ZNF226: variants seen among roughly 807,000 people sequenced by gnomAD.
The protein encoded by ZNF226 is zinc finger protein 226, also known as Kruppel-associated box protein.
In ZNF226, 6 loss-of-function variants were observed where a neutral mutation model predicts 11.4. That is an observed-to-expected ratio of 0.53 (90% CI 0.29 to 1.04). The LOEUF (loss-of-function observed/expected upper bound fraction) is 1.04, where lower values mean the gene tolerates loss of function less well. Ranked by LOEUF, ZNF226 falls within the 50% of genes least tolerant of loss-of-function variation. The pLI, the probability that ZNF226 is intolerant of heterozygous loss-of-function variation, is 0.08. For synonymous variants in ZNF226, 350 were observed against 322.8 expected (o/e 1.08, Z -0.90); for missense variants, 1,058 against 956.5 (o/e 1.11, Z -1.40).
At chr19:44,177,772 CAACAA>C (rs1970836360), downstream of ZNF226, 1 of 1,305,346 alleles carries the variant, frequency 7.7e-7, no homozygotes, top group South Asian at 1.6e-5. Context: ...GGTCCAAAGA[CAACAA>C]AACAATCTTT....
At chr19:44,171,423 A>G (rs555827554) in intron 3 of ZNF226, among the ~76,000 whole-genome samples, 20 of 151,810 alleles carry the variant, frequency 1.3e-4, no homozygotes, top group African/African-American at 3.6e-4. Flanking sequence ...CCCTTTTAAT[A>G]TTTTTTTTAG....
chr19:44,177,807 C>A, downstream of ZNF226: 1 of 1,039,564 alleles, frequency 9.6e-7, no homozygotes, highest in Non-Finnish European at 1.3e-6. Flanking sequence ...ATAGCAAGGG[C>A]TTCTTTAGTC....
Position 44,172,671 on chromosome 19 carries a change from A to G in ZNF226, c.143-189A>G. 5.3e-6 allele frequency: 3 copies of G among 562,968 alleles called. No individual in the cohort carries two copies. In the South Asian group the frequency reaches 8.3e-5, roughly 16 times the overall value. The allele number at this position is 562,968 out of a possible 1,614,324, so 34.9% of individuals were successfully genotyped here. ...AATAGGTTATTCAAACTTGGTTTTC[A>G]TAATATGTATTTACGCATGTGTGTC... On this transcript the variant is annotated intron_variant, in intron 4 of 5. Coordinates refer to ENST00000337433, the MANE Select transcript of ZNF226 (RefSeq NM_001032373.2).
Position 44,171,999 on chromosome 19 carries a change from A to G in ZNF226, c.16-89A>G, listed in dbSNP as rs1970150651. 3 of 1,548,326 alleles carry G rather than the reference A, an allele frequency of 1.9e-6. No homozygotes were observed. In the Admixed American group the frequency reaches 5.2e-5, roughly 27 times the overall value. ...CTGGGAAATCTACAAACGGCTGGGC[A>G]TCCAGAACAACTTTCCACCTGTTCT... is the stretch of plus-strand genomic sequence containing the variant. On this transcript the variant is annotated intron_variant, in intron 3 of 5. Transcript: ENST00000337433.
the ZNF226 span, among the ~76,000 whole-genome samples, chr19:44,196,805 A>G: frequency 6.6e-6 from 1 of 152,192 alleles, no homozygotes; most frequent in African/African-American, 2.4e-5. Context: ...GTAGTGGGAC[A>G]TGCCTCAATT....
At chr19:44,187,432 CT>C in the ZNF226 span, among the ~76,000 whole-genome samples, 1 of 151,790 alleles carries the variant, frequency 6.6e-6, no homozygotes, top group East Asian at 1.9e-4. The surrounding 1 kb of genome is among the most constrained non-coding windows in gnomAD (Gnocchi z 4.0). Flanking sequence ...ATCTCTTATA[CT>C]TTTTTTATTT....
downstream of ZNF226, among the ~76,000 whole-genome samples, chr19:44,179,445 C>T (rs1324721768): frequency 6.6e-6 from 1 of 151,966 alleles, no homozygotes; most frequent in Admixed American, 6.6e-5. Flanking sequence ...CATCATATAG[C>T]ATATAAGGCC....
chr19:44,170,095 G>C lies in ZNF226; in HGVS notation c.15G>C (p.Lys5Asn), dbSNP rs1221211392. 6.2e-7 allele frequency: 1 copy of C among 1,612,474 alleles called. No homozygotes were observed. The highest frequency in any genetic ancestry group is 2.2e-5 in the East Asian group (1 of 44,874). The change falls in exon 3 of 6, where the codon AAG becomes AAC. Residue 5 changes from lysine (K) to asparagine (N), a missense_variant and splice_region_variant. Transcript: ENST00000337433. MNMF[K>N]EAVTFKDVAV... ...AAGAATTAAAAATGAATATGTTCAA[G>C]GTGAGTAGAGCTTGCCTTTCCCAGC... is the stretch of plus-strand genomic sequence containing the variant.
the ZNF226 span, among the ~76,000 whole-genome samples, chr19:44,196,846 TCC>T: frequency 6.6e-6 from 1 of 152,174 alleles, no homozygotes; most frequent in East Asian, 1.9e-4. Context: ...TGATTTGTCT[TCC>T]CATGTTTGTT....
At chr19:44,187,547 CTAAT>C in the ZNF226 span, among the ~76,000 whole-genome samples, 272 of 151,756 alleles carry the variant, frequency 1.8e-3, no homozygotes, top group Non-Finnish European at 2.4e-3. The surrounding 1 kb of genome is among the most constrained non-coding windows in gnomAD (Gnocchi z 4.0). Context: ...ATTATTTTTA[CTAAT>C]TAATTTGTCA....
At chr19:44,179,591 C>T (rs1970875972), downstream of ZNF226, among the ~76,000 whole-genome samples, 1 of 152,070 alleles carries the variant, frequency 6.6e-6, no homozygotes, top group African/African-American at 2.4e-5. Context: ...CAAATCTATG[C>T]AATCAATACA....
chr19:44,182,060 AT>A (rs1970913781), downstream of ZNF226, among the ~76,000 whole-genome samples: 1 of 152,202 alleles, frequency 6.6e-6, no homozygotes, highest in Non-Finnish European at 1.5e-5. Context: ...ATTTGCTGAT[AT>A]GGGTGTAGTG....
chr19:44,183,924 T>C, the ZNF226 span, among the ~76,000 whole-genome samples: 1 of 152,302 alleles, frequency 6.6e-6, no homozygotes, highest in African/African-American at 2.4e-5. Context: ...GTATCTACTT[T>C]CCAGTATTTT....
chr19:44,182,474 T>C (rs1028501068), downstream of ZNF226, among the ~76,000 whole-genome samples: 14 of 152,236 alleles, frequency 9.2e-5, no homozygotes, highest in African/African-American at 1.7e-4. Flanking sequence ...ACCAGTGTTA[T>C]AGAACATATA....
chr19:44,172,119 C>T lies in ZNF226; in HGVS notation c.47C>T (p.Ala16Val). The T allele has an allele frequency of 6.2e-7, 1 of 1,612,926 alleles. No individual in the cohort carries two copies. Among genetic ancestry groups the T allele is most frequent in the Non-Finnish European group, 8.5e-7 (1 of 1,179,232 alleles). Residue 16 changes from alanine to valine, a missense_variant, in exon 4 of 6, where the codon GCC becomes GTC. By Grantham distance (64) the Ala-to-Val change is moderately conservative. Coordinates refer to ENST00000337433, the MANE Select transcript of ZNF226 (RefSeq NM_001032373.2). Reference sequence around the variant, plus strand: ...GTGACCTTCAAGGACGTGGCTGTGGCCTTCACGGAGGAGGAATTGGGGCTG... The same window carrying T: ...GTGACCTTCAAGGACGTGGCTGTGGTCTTCACGGAGGAGGAATTGGGGCTG... ...EAVTFKDVAV[A>V]FTEEELGLLG... is the part of the protein sequence containing the mutation.
chr19:44,197,934 G>T, the ZNF226 span, among the ~76,000 whole-genome samples: 1 of 152,102 alleles, frequency 6.6e-6, no homozygotes, highest in Non-Finnish European at 1.5e-5. Context: ...AGGTCACAAA[G>T]ATATTTTAGT....
intron 5 of ZNF226, chr19:44,175,082 G>C: frequency 6.2e-7 from 1 of 1,604,976 alleles, no homozygotes; most frequent in South Asian, 1.1e-5. Context: ...TATATATGAA[G>C]AAATGTTGGA....
At chr19:44,166,737 C>T (rs1488631761) in intron 2 of ZNF226, 4 of 152,042 alleles carry the variant, frequency 2.6e-5, no homozygotes, top group Non-Finnish European at 4.4e-5. Context: ...GAGTACAGTG[C>T]AACACTACTC....
At chr19:44,198,234 TC>T in the ZNF226 span, among the ~76,000 whole-genome samples, 1 of 152,230 alleles carries the variant, frequency 6.6e-6, no homozygotes, top group African/African-American at 2.4e-5. Context: ...TGATGTCTTA[TC>T]GCATAAACCC....
Sources: allele counts gnomAD v4.1 joint callset (sites outside exome capture counted in the v4.1 genomes callset), GRCh38; gene constraint gnomAD v4.1.1; non-coding constraint Gnocchi (gnomAD v3.1); transcripts MANE v1.5; gene names NCBI Gene and HGNC (gene_info 2026-07-23, HGNC 2026-07-21).